Variants in CTNND2 observed in about 807,000 individuals in gnomAD.
CTNND2 encodes the protein catenin delta 2, also known as catenin delta-2.
CTNND2 carries 22 observed loss-of-function variants against 144.4 expected under a neutral mutation model. The ratio of observed to expected loss-of-function variants is 0.15; its 90% confidence interval spans 0.11 to 0.22. The LOEUF (loss-of-function observed/expected upper bound fraction) is 0.22, where lower values mean the gene tolerates loss of function less well. Among genes scored for constraint, CTNND2 ranks in the 10% least tolerant of loss-of-function variants. CTNND2 has a pLI of 1.00. For missense variants in CTNND2, 1,353 were observed against 1,618.8 expected, an observed-to-expected ratio of 0.84 and a Z score of 2.82; for synonymous variants, 751 against 695.6, an observed-to-expected ratio of 1.08 and a Z score of -1.25.
chr5:11,434,016 T>C (rs1407473221), intron 3 of CTNND2, among the ~76,000 whole-genome samples: 4 of 152,288 alleles, frequency 2.6e-5, no homozygotes, highest in African/African-American at 7.2e-5. Context: ...AAAAGACTTG[T>C]AAAAGAATGT....
At chr5:11,022,714 C>T in intron 17 of CTNND2, 55 bp downstream of exon 17, 1 of 1,377,112 alleles carries the variant, frequency 7.3e-7, no homozygotes, top group Non-Finnish European at 1.0e-6. Flanking sequence ...AGTTGAAAGG[C>T]ACATTCAGAA....
chr5:11,373,632 A>G (rs904901125), intron 7 of CTNND2, among the ~76,000 whole-genome samples: 1 of 152,152 alleles, frequency 6.6e-6, no homozygotes, highest in African/African-American at 2.4e-5. Context: ...GGAATGGAAT[A>G]GTTCAAAGAT....
At chr5:11,417,228 T>C (rs537830115) in intron 3 of CTNND2, among the ~76,000 whole-genome samples, 103 of 152,238 alleles carry the variant, frequency 6.8e-4, no homozygotes, top group African/African-American at 2.5e-3. Flanking sequence ...CTCAGCCAGT[T>C]AGTAGAGAAG....
chr5:11,522,181 T>C (rs981055334), intron 3 of CTNND2, among the ~76,000 whole-genome samples: 7 of 152,228 alleles, frequency 4.6e-5, no homozygotes, highest in African/African-American at 9.6e-5. Flanking sequence ...ACATACTTTC[T>C]GAATCTCTAT....
At chr5:11,450,896 C>G (rs61760341) in intron 3 of CTNND2, among the ~76,000 whole-genome samples, 2 of 34,256 alleles carry the variant, frequency 5.8e-5, no homozygotes, top group East Asian at 8.9e-4. Context: ...GAAACTCCAT[C>G]TCAAAAAAAA....
chr5:11,899,096 A>C (rs1048410676), intron 1 of CTNND2, among the ~76,000 whole-genome samples: 1 of 152,306 alleles, frequency 6.6e-6, no homozygotes, highest in South Asian at 2.1e-4. Flanking sequence ...CACACTTTTT[A>C]GTTCTCTTCA....
rs1416171884 is a variant in CTNND2 at position 11,522,670 on chromosome 5, A to C, written c.287+42274T>G. On this transcript the variant is annotated intron_variant, in intron 3 of 21. Coordinates refer to ENST00000304623, the MANE Select transcript of CTNND2 (RefSeq NM_001332.4). ...ATAGAGAACAGAGATATCATAAACGAGTATTTCCCATTCATTCTAATCACA... is the reference window on the plus strand; with the variant it reads ...ATAGAGAACAGAGATATCATAAACGCGTATTTCCCATTCATTCTAATCACA... Among the ~76,000 whole-genome samples, 12 of 152,334 alleles carry C rather than the reference A, an allele frequency of 7.9e-5. No individual in the cohort carries two copies. In the East Asian group the frequency reaches 2.3e-3, roughly 29 times the overall value.
intron 2 of CTNND2, among the ~76,000 whole-genome samples, chr5:11,584,824 G>A (rs1312340400): frequency 1.3e-5 from 2 of 152,018 alleles, no homozygotes; most frequent in East Asian, 1.9e-4. Flanking sequence ...GTTTTTTTGA[G>A]CAGAACTTGA....
At chr5:11,449,841 C>T (rs1765143449) in intron 3 of CTNND2, among the ~76,000 whole-genome samples, 1 of 152,152 alleles carries the variant, frequency 6.6e-6, no homozygotes, top group African/African-American at 2.4e-5. Flanking sequence ...GTATCTACTG[C>T]CGTGGCTGGC....
intron 1 of CTNND2, among the ~76,000 whole-genome samples, chr5:11,747,835 G>T (rs1319147212): frequency 6.6e-6 from 1 of 152,124 alleles, no homozygotes; most frequent in East Asian, 1.9e-4. Flanking sequence ...CCACACAGTG[G>T]TTCGCAACAT....
chr5:11,735,520 T>C (rs1787633174), intron 1 of CTNND2, among the ~76,000 whole-genome samples: 1 of 152,204 alleles, frequency 6.6e-6, no homozygotes, highest in Admixed American at 6.5e-5. Context: ...GGGGACTCTA[T>C]GCAAGGTGAT....
intron 9 of CTNND2, among the ~76,000 whole-genome samples, chr5:11,262,485 G>T (rs553694193): frequency 6.6e-6 from 1 of 152,032 alleles, no homozygotes; most frequent in Non-Finnish European, 1.5e-5. Context: ...TGTGTTGGCC[G>T]GGCGCAGTGG....
At chr5:11,531,204 C>T (rs1773716369) in intron 3 of CTNND2, among the ~76,000 whole-genome samples, 1 of 151,954 alleles carries the variant, frequency 6.6e-6, no homozygotes, top group Admixed American at 6.6e-5. Flanking sequence ...GGGAATAGTA[C>T]CATGAAAATA....
intron 16 of CTNND2, among the ~76,000 whole-genome samples, chr5:11,077,686 T>C (rs955542113): frequency 3.9e-5 from 6 of 152,056 alleles, no homozygotes; most frequent in Non-Finnish European, 7.4e-5. Flanking sequence ...GCCACTGCAA[T>C]AGGAGACCAT....
At chr5:11,213,434 C>T (rs1738846754) in intron 10 of CTNND2, among the ~76,000 whole-genome samples, 1 of 152,152 alleles carries the variant, frequency 6.6e-6, no homozygotes, top group Non-Finnish European at 1.5e-5. Context: ...ACAAAGAAAG[C>T]TGTTACCAGG....
At chr5:11,897,313 A>G (rs151050839) in intron 1 of CTNND2, among the ~76,000 whole-genome samples, 36 of 152,354 alleles carry the variant, frequency 2.4e-4, no homozygotes, top group African/African-American at 7.9e-4. Flanking sequence ...TTTGTTTTAA[A>G]AAGTGAGCAT....
At chr5:11,232,464 A>G (rs1010507708) in intron 10 of CTNND2, among the ~76,000 whole-genome samples, 1 of 152,248 alleles carries the variant, frequency 6.6e-6, no homozygotes, top group Non-Finnish European at 1.5e-5. Context: ...ACATGAAGTC[A>G]AAGGAGATCA....
At chr5:11,670,712 T>C (rs2126598959) in intron 2 of CTNND2, among the ~76,000 whole-genome samples, 1 of 152,310 alleles carries the variant, frequency 6.6e-6, no homozygotes, top group African/African-American at 2.4e-5. Flanking sequence ...CACAGATGGG[T>C]CTTGACTCTT....
chr5:11,242,363 C>G (rs1650845259), intron 9 of CTNND2, among the ~76,000 whole-genome samples: 1 of 152,164 alleles, frequency 6.6e-6, no homozygotes, highest in African/African-American at 2.4e-5. Context: ...CTAGTTGTCT[C>G]CTCTCGAATC....
Sources: gnomAD v4.1 joint callset for allele counts (sites outside exome capture counted in the v4.1 genomes callset) on GRCh38, gnomAD v4.1.1 for gene constraint, MANE v1.5 for transcripts, NCBI Gene and HGNC (gene_info 2026-07-23, HGNC 2026-07-21) for gene names.